Variants in ENTPD1 observed in about 807,000 individuals in gnomAD.
ENTPD1 encodes ATP diphosphohydrolase.
ENTPD1 carries 33 observed loss-of-function variants against 57.0 expected under a neutral mutation model. The observed-to-expected ratio is 0.58, with a 90% CI of 0.44 to 0.77. ENTPD1 has a LOEUF of 0.77. ENTPD1 is among the 30% of genes least tolerant of loss of function. ENTPD1 has a pLI of 0.00. For missense variants in ENTPD1, 501 were observed against 603.4 expected (o/e 0.83, Z 1.78); for synonymous variants, 202 against 218.8 (o/e 0.92, Z 0.68).
chr10:95,766,961 C>T (rs1300714710), intron 1 of ENTPD1, among the ~76,000 whole-genome samples: 1 of 151,060 alleles, frequency 6.6e-6, no homozygotes, highest in Non-Finnish European at 1.5e-5. Context: ...CTCAATGTAA[C>T]CTTGAACTCC....
At chr10:95,810,370 A>G (rs1290906470) in intron 1 of ENTPD1, among the ~76,000 whole-genome samples, 8 of 120,802 alleles carry the variant, frequency 6.6e-5, no homozygotes, top group African/African-American at 1.3e-4. Context: ...CCTCCCAGAC[A>G]GGGCGGCCGG....
chr10:95,833,042 G>A (rs1280822889), intron 2 of ENTPD1, among the ~76,000 whole-genome samples: 1 of 152,182 alleles, frequency 6.6e-6, no homozygotes, highest in Non-Finnish European at 1.5e-5. Context: ...ATGAACAAAA[G>A]TGCTGTTCTT....
chr10:95,823,278 A>G lies in ENTPD1; in HGVS notation c.58A>G (p.Ile20Val). Residue 20 changes from isoleucine (I) to valine (V), a missense_variant, in exon 2 of 10, where the codon ATC becomes GTC. By Grantham distance (29) the Ile-to-Val change is conservative. Transcript: ENST00000371205. ...KTFCSKNILA[I>V]LGFSSIIAVI... is the part of the protein sequence containing the mutation. ...ATTTTGCTCCAAGAATATCCTAGCC[A>G]TCCTTGGCTTCTCCTCTATCATAGC... 1.2e-6 allele frequency: 2 copies of G among 1,614,204 alleles called. No homozygotes were observed. Among genetic ancestry groups the G allele is most frequent in the Non-Finnish European group, 1.7e-6 (2 of 1,180,024 alleles).
chr10:95,866,041 A>G, intron 9 of ENTPD1, 136 bp from the exon 10 acceptor site: 1 of 1,248,920 alleles, frequency 8.0e-7, no homozygotes. Flanking sequence ...CTGAGATTAC[A>G]GGCATGAGCC....
At chr10:95,707,044 C>T (rs1216603470), upstream of ENTPD1, among the ~76,000 whole-genome samples, 2 of 152,178 alleles carry the variant, frequency 1.3e-5, no homozygotes, top group African/African-American at 2.4e-5. Flanking sequence ...CAGAGATGGC[C>T]GGGTCCTGTG....
chr10:95,802,762 C>A (rs2098255407), intron 1 of ENTPD1, among the ~76,000 whole-genome samples: 2 of 152,162 alleles, frequency 1.3e-5, no homozygotes, highest in African/African-American at 4.8e-5. Context: ...CCATCTTCAT[C>A]CATGTCTCCG....
upstream of ENTPD1, among the ~76,000 whole-genome samples, chr10:95,710,393 A>G (rs1249225654): frequency 1.3e-5 from 2 of 152,166 alleles, no homozygotes; most frequent in Non-Finnish European, 2.9e-5. Context: ...CAACAGAGCC[A>G]GACTGTTTTA....
Position 95,843,670 on chromosome 10 carries a change from G to A in ENTPD1, c.414-806G>A, listed in dbSNP as rs3181128. ...GAGTTTATCTTAGAGATAGTAGGAA[G>A]CCATTAAAGGATGCTACACAACTGG... On this transcript the variant is annotated intron_variant, in intron 4 of 9. Transcript: ENST00000371205. 8.9e-4 allele frequency among the ~76,000 whole-genome samples: 136 copies of A among 152,334 alleles called. 2 individuals are homozygous for A. The East Asian group carries it at 0.023, about 26-fold the overall frequency.
intron 1 of ENTPD1, among the ~76,000 whole-genome samples, chr10:95,728,740 C>A (rs983198709): frequency 6.6e-6 from 1 of 152,148 alleles, no homozygotes; most frequent in African/African-American, 2.4e-5. Context: ...AACACTTGAG[C>A]TCCCCACAAT....
intron 6 of ENTPD1, chr10:95,845,907 G>T: frequency 5.3e-6 from 2 of 377,206 alleles, no homozygotes; most frequent in African/African-American, 2.0e-5. Flanking sequence ...GTTGGAGGGG[G>T]AATTGCAATT....
intron 1 of ENTPD1, among the ~76,000 whole-genome samples, chr10:95,763,012 C>G (rs1306385910): frequency 6.6e-6 from 1 of 152,026 alleles, no homozygotes; most frequent in Non-Finnish European, 1.5e-5. Context: ...TTTTAATCAA[C>G]TTATGTGCAT....
intron 8 of ENTPD1, among the ~76,000 whole-genome samples, chr10:95,863,506 G>A (rs1411107381): frequency 1.3e-5 from 2 of 152,242 alleles, no homozygotes; most frequent in African/African-American, 4.8e-5. Flanking sequence ...GTCACATGCA[G>A]AGGAATCAAT....
At chr10:95,715,925 T>C (rs1189268468) in intron 1 of ENTPD1, among the ~76,000 whole-genome samples, 1 of 152,164 alleles carries the variant, frequency 6.6e-6, no homozygotes, top group Non-Finnish European at 1.5e-5. Flanking sequence ...AGTGCAGTGG[T>C]GTGATCATGG....
chr10:95,813,878 T>G (rs1017841935), intron 1 of ENTPD1, among the ~76,000 whole-genome samples: 2 of 152,096 alleles, frequency 1.3e-5, no homozygotes, highest in Non-Finnish European at 2.9e-5. Flanking sequence ...CCTGGTTGAG[T>G]CAGTTCACCC....
intron 7 of ENTPD1, among the ~76,000 whole-genome samples, 174 bp downstream of exon 7, chr10:95,847,880 CACT>C (rs1220868647): frequency 2.0e-5 from 3 of 152,148 alleles, no homozygotes; most frequent in African/African-American, 7.2e-5. Flanking sequence ...CAGTTTTTTC[CACT>C]ATCGTTGTGA....
intron 1 of ENTPD1, among the ~76,000 whole-genome samples, chr10:95,714,839 A>C (rs567551947): frequency 6.6e-6 from 1 of 152,218 alleles, no homozygotes; most frequent in Non-Finnish European, 1.5e-5. Context: ...CAGTTTAAGA[A>C]TAAGATTAGC....
At chr10:95,712,759 G>T (rs1662567906) in intron 1 of ENTPD1, among the ~76,000 whole-genome samples, 1 of 152,188 alleles carries the variant, frequency 6.6e-6, no homozygotes, top group South Asian at 2.1e-4. Context: ...GGTGGGCTGG[G>T]CACTGTGGCT....
chr10:95,864,683 C>A (rs1173007219), intron 8 of ENTPD1, 41 bp from the exon 9 acceptor site: 3 of 1,612,724 alleles, frequency 1.9e-6, no homozygotes, highest in Non-Finnish European at 2.5e-6. Context: ...CAGAGAGGTG[C>A]CTATCATACG....
chr10:95,698,998 G>A, the ENTPD1 span, among the ~76,000 whole-genome samples: 1 of 152,034 alleles, frequency 6.6e-6, no homozygotes, highest in Non-Finnish European at 1.5e-5. Flanking sequence ...ACAAAAAAAG[G>A]GTATAATATT....
Sources: allele counts gnomAD v4.1 joint callset (sites outside exome capture counted in the v4.1 genomes callset), GRCh38; gene constraint gnomAD v4.1.1; transcripts MANE v1.5; gene names NCBI Gene and HGNC (gene_info 2026-07-23, HGNC 2026-07-21).